MEMO1: variants seen among roughly 807,000 people sequenced by gnomAD.
MEMO1 encodes protein MEMO1.
A neutral mutation model predicts 45.2 loss-of-function variants in MEMO1; 6 were observed. The ratio of observed to expected loss-of-function variants is 0.13; its 90% CI spans 0.07 to 0.26. The LOEUF is 0.26. MEMO1 is among the 10% of genes least tolerant of loss of function. The pLI, the probability that MEMO1 is intolerant of heterozygous loss-of-function variation, is 1.00. For synonymous variants in MEMO1, 78 were observed against 124.3 expected (o/e 0.63, Z 2.48); for missense variants, 184 against 370.5 (o/e 0.50, Z 4.13).
chr2:31,992,354 C>A (rs888328982), intron 2 of MEMO1, among the ~76,000 whole-genome samples: 1 of 152,178 alleles, frequency 6.6e-6, no homozygotes, highest in African/African-American at 2.4e-5. Flanking sequence ...GATCATATGG[C>A]CCACAAAGCC....
intron 2 of MEMO1, among the ~76,000 whole-genome samples, chr2:31,994,593 T>C (rs935191267): frequency 2.0e-5 from 3 of 151,164 alleles, no homozygotes; most frequent in African/African-American, 7.3e-5. Context: ...ATTGCACCAC[T>C]GCACTCCAAC....
At chr2:31,938,382 C>T (rs1665181897) in intron 3 of MEMO1, among the ~76,000 whole-genome samples, 2 of 151,774 alleles carry the variant, frequency 1.3e-5, no homozygotes, top group South Asian at 4.1e-4. Flanking sequence ...CGCAGTGGCT[C>T]ACACCTGTAA....
chr2:32,002,910 A>G (rs1673587405), intron 2 of MEMO1, among the ~76,000 whole-genome samples: 1 of 152,216 alleles, frequency 6.6e-6, no homozygotes, highest in African/African-American at 2.4e-5. Context: ...TGCCTGTTAA[A>G]TATGTTCTTT....
chr2:31,888,195 TG>T (rs1261846274), intron 7 of MEMO1, among the ~76,000 whole-genome samples: 3 of 152,096 alleles, frequency 2.0e-5, no homozygotes, highest in African/African-American at 7.2e-5. Context: ...GTTTATTTTT[TG>T]TTAGAGATGA....
intron 8 of MEMO1, among the ~76,000 whole-genome samples, chr2:31,879,846 C>T (rs895684275): frequency 2.0e-5 from 3 of 152,146 alleles, no homozygotes; most frequent in African/African-American, 7.2e-5. Context: ...AAACATAACA[C>T]AAAACCCATG....
chr2:31,916,482 G>A (rs369925650), intron 6 of MEMO1, among the ~76,000 whole-genome samples: 15 of 152,070 alleles, frequency 9.9e-5, no homozygotes, highest in Non-Finnish European at 2.2e-4. Context: ...GCCCACCTCC[G>A]CCTCCCAAAG....
chr2:31,905,709 G>A (rs757001316), intron 6 of MEMO1, among the ~76,000 whole-genome samples: 1 of 152,078 alleles, frequency 6.6e-6, no homozygotes, highest in Non-Finnish European at 1.5e-5. Flanking sequence ...AATATTATAA[G>A]GCCTTGAACT....
chr2:32,000,320 C>T (rs2148590296), intron 2 of MEMO1, among the ~76,000 whole-genome samples: 1 of 152,030 alleles, frequency 6.6e-6, no homozygotes, highest in South Asian at 2.1e-4. Context: ...AGCTCCGCCT[C>T]CTGGGTTCAC....
intron 4 of MEMO1, among the ~76,000 whole-genome samples, chr2:31,921,511 A>C (rs1350553329): frequency 6.6e-6 from 1 of 152,188 alleles, no homozygotes; most frequent in Non-Finnish European, 1.5e-5. Flanking sequence ...TATGCATAAA[A>C]TAATCTCTAT....
intron 2 of MEMO1, among the ~76,000 whole-genome samples, chr2:31,990,260 T>C (rs1671781365): frequency 6.6e-6 from 1 of 152,218 alleles, no homozygotes; most frequent in Admixed American, 6.5e-5. Flanking sequence ...TCTATTAAGC[T>C]AGACATTAAA....
At chr2:31,908,570 C>A (rs948223722) in intron 6 of MEMO1, among the ~76,000 whole-genome samples, 2 of 152,070 alleles carry the variant, frequency 1.3e-5, no homozygotes, top group African/African-American at 4.8e-5. Context: ...CCTAAACCAC[C>A]CTTGGAGCTA....
intron 2 of MEMO1, among the ~76,000 whole-genome samples, chr2:31,960,712 A>C (rs1667914122): frequency 6.6e-6 from 1 of 151,950 alleles, no homozygotes; most frequent in African/African-American, 2.4e-5. Context: ...CAGCCACCCA[A>C]GTAGCTGGGA....
chr2:31,933,347 AAATTTATATATAT>A (rs1664481382), intron 3 of MEMO1, among the ~76,000 whole-genome samples: 1 of 19,960 alleles, frequency 5.0e-5, no homozygotes, highest in Admixed American at 8.5e-4. Context: ...AAAAAAAAAA[AAATTTATATATAT>A]ATATATATAT....
chr2:31,886,473 A>G (rs1558477469), intron 7 of MEMO1, among the ~76,000 whole-genome samples: 4 of 152,162 alleles, frequency 2.6e-5, no homozygotes, highest in African/African-American at 9.7e-5. Context: ...AGTTTAAAAT[A>G]CCACTTTTTG....
In MEMO1 at chr2:31,943,387, T is replaced by TA; in HGVS notation, c.62-5dup. On this transcript the variant is annotated splice_polypyrimidine_tract_variant and splice_region_variant and intron_variant, in intron 2 of 9. Transcript: ENST00000404530. ...AGCTGTGCATTCAGCTGCGGTCCTATAAAAAGACAAAGACAAAATTAGAGT... is the reference window on the plus strand; with the variant it reads ...AGCTGTGCATTCAGCTGCGGTCCTATAAAAAAGACAAAGACAAAATTAGAGT... 1 of 1,611,466 alleles carries TA rather than the reference T, an allele frequency of 6.2e-7. No homozygotes were observed. The highest frequency in any genetic ancestry group is 1.1e-5 in the South Asian group (1 of 91,028).
At chr2:31,959,994 G>A (rs1667824107) in intron 2 of MEMO1, among the ~76,000 whole-genome samples, 1 of 152,226 alleles carries the variant, frequency 6.6e-6, no homozygotes. Context: ...GTCCCAGGAG[G>A]GCGGATCACT....
chr2:31,923,850 T>C (rs1223954878), intron 4 of MEMO1: 1 of 1,239,806 alleles, frequency 8.1e-7, no homozygotes, highest in Non-Finnish European at 1.1e-6. Context: ...AAAGATACAC[T>C]GCTCCAGAAA....
chr2:31,965,172 C>A (rs1299775048), intron 2 of MEMO1, among the ~76,000 whole-genome samples: 1 of 151,588 alleles, frequency 6.6e-6, no homozygotes, highest in Non-Finnish European at 1.5e-5. Context: ...AGGATCGCAC[C>A]ATTGCACTCC....
At chr2:31,910,127 A>C (rs1680333512) in intron 6 of MEMO1, among the ~76,000 whole-genome samples, 1 of 152,122 alleles carries the variant, frequency 6.6e-6, no homozygotes, top group African/African-American at 2.4e-5. Flanking sequence ...AAAGAAAAAA[A>C]CCCACTAATT....
Sources: gnomAD v4.1 joint callset for allele counts (sites outside exome capture counted in the v4.1 genomes callset) on GRCh38, gnomAD v4.1.1 for gene constraint, MANE v1.5 for transcripts, NCBI Gene and HGNC (gene_info 2026-07-23, HGNC 2026-07-21) for gene names.